Variants in ELAPOR1 observed in about 807,000 individuals in gnomAD.
ELAPOR1 encodes endosome-lysosome associated apoptosis and autophagy regulator 1.
A neutral mutation model predicts 119.7 loss-of-function variants in ELAPOR1; 77 were observed. That is an observed-to-expected ratio of 0.64 (90% CI 0.54 to 0.78). The LOEUF is 0.78. ELAPOR1 is among the 30% of genes least tolerant of loss of function. ELAPOR1 has a pLI of 0.00. For missense variants in ELAPOR1, 1,115 were observed against 1,270.4 expected, an observed-to-expected ratio of 0.88 and a Z score of 1.86; for synonymous variants, 481 against 487.2, an observed-to-expected ratio of 0.99 and a Z score of 0.17.
In ELAPOR1 at chr1:109,189,052, T is replaced by C; in HGVS notation, c.1220-14T>C. ...TTCCCACTGAATGCATGGATCTTGT[T>C]TGTGGTTCCCCAGACTGTACCCGCT... On this transcript the variant is annotated splice_polypyrimidine_tract_variant and intron_variant, in intron 9 of 21. Transcript: ENST00000369939. The C allele has an allele frequency of 6.2e-7, 1 of 1,612,710 alleles. No homozygotes were observed.
chr1:109,171,274 GCA>G (rs1651906001), intron 3 of ELAPOR1, among the ~76,000 whole-genome samples: 1 of 152,128 alleles, frequency 6.6e-6, no homozygotes, highest in Non-Finnish European at 1.5e-5. Context: ...CTGACTAGGC[GCA>G]GTGGCTCATG....
At chr1:109,176,012 A>G (rs142051240) in intron 7 of ELAPOR1, among the ~76,000 whole-genome samples, 47 of 152,278 alleles carry the variant, frequency 3.1e-4, no homozygotes, top group African/African-American at 1.1e-3. Flanking sequence ...TCTTTTATCA[A>G]CCTGAGAGCA....
intron 1 of ELAPOR1, among the ~76,000 whole-genome samples, chr1:109,158,324 T>TC (rs1651016228): frequency 6.6e-6 from 1 of 151,758 alleles, no homozygotes; most frequent in Non-Finnish European, 1.5e-5. Flanking sequence ...TTTTTTTTTT[T>TC]TTGGTCATTT....
rs71069661 is a variant in ELAPOR1 at position 109,203,879 on chromosome 1, C to CAAAA, written c.*885_*888dup. ...TGGGTGACAGAGTGAGACTCTGCCT[C>CAAAA]AAAAAAAAAAAAAAAAAAAAAGAAA... is the stretch of plus-strand genomic sequence containing the variant. On this transcript the variant is annotated 3_prime_UTR_variant, in exon 22 of 22. Coordinates refer to ENST00000369939, the MANE Select transcript of ELAPOR1 (RefSeq NM_020775.5). The CAAAA allele has an allele frequency of 1.9e-5, 2 of 105,122 alleles. No individual in the cohort carries two copies. The highest frequency in any genetic ancestry group is 7.5e-5 in the African/African-American group (2 of 26,694). The allele number at this position is 105,122 out of a possible 1,614,324, so 6.5% of individuals were successfully genotyped here. A position where few individuals can be genotyped will look rare whatever the true frequency, so the allele number is the denominator to read the frequency against.
chr1:109,180,736 AG>A (rs762078904), intron 7 of ELAPOR1, among the ~76,000 whole-genome samples: 49 of 152,174 alleles, frequency 3.2e-4, no homozygotes, highest in Non-Finnish European at 5.3e-4. Context: ...AGGCCGAGGC[AG>A]GAGGAGTGCT....
chr1:109,172,128 T>C (rs2297758), intron 4 of ELAPOR1, 115 bp downstream of exon 4: 532,229 of 1,333,026 alleles, frequency 0.4, 110,590 homozygotes, highest in African/African-American at 0.65. Context: ...TGTTGTTTTC[T>C]CTCTGGAGAG....
Position 109,199,739 on chromosome 1 carries a change from A to G in ELAPOR1, c.2502-115A>G, listed in dbSNP as rs1654044973. 8 of 1,224,482 alleles carry G rather than the reference A, an allele frequency of 6.5e-6. No individual in the cohort carries two copies. In the South Asian group the frequency reaches 8.3e-5, roughly 13 times the overall value. 75.9% of individuals were successfully genotyped at this position (1,224,482 alleles called of 1,614,324 possible). On this transcript the variant is annotated intron_variant, in intron 18 of 21. Coordinates refer to ENST00000369939, the MANE Select transcript of ELAPOR1 (RefSeq NM_020775.5). ...AGTTGGAAGGATCCTGGTAGGGCTA[A>G]TGGTTTGGGCAGGGAGAGGGTAAAT...
intron 1 of ELAPOR1, among the ~76,000 whole-genome samples, chr1:109,139,689 A>T (rs1178295053): frequency 6.6e-6 from 1 of 152,250 alleles, no homozygotes; most frequent in East Asian, 1.9e-4. Context: ...ATCACTTTTT[A>T]AAATTCTTGA....
intron 7 of ELAPOR1, among the ~76,000 whole-genome samples, chr1:109,180,324 G>T (rs1021966128): frequency 6.6e-6 from 1 of 152,090 alleles, no homozygotes; most frequent in Admixed American, 6.6e-5. Context: ...TTACTTATCT[G>T]TGCCTCCGTT....
At chr1:109,139,227 G>A (rs1649677542) in intron 1 of ELAPOR1, among the ~76,000 whole-genome samples, 1 of 152,094 alleles carries the variant, frequency 6.6e-6, no homozygotes, top group African/African-American at 2.4e-5. Flanking sequence ...GGCAACGCCT[G>A]TAGTCCCAGC....
Position 109,191,436 on chromosome 1 carries a change from C to G in ELAPOR1, c.1510C>G (p.Leu504Val). The G allele has an allele frequency of 1.2e-6, 2 of 1,614,110 alleles. No homozygotes were observed. Among genetic ancestry groups the G allele is most frequent in the South Asian group, 2.2e-5 (2 of 91,074 alleles). Residue 504 changes from leucine to valine, a missense_variant, in exon 12 of 22, where the codon CTC (leucine) becomes GTC (valine). Transcript: ENST00000369939. The part of the protein sequence containing the change: ...VARITFVFET[L>V]CSVNCELYFM... ...CAGAATCACATTTGTCTTTGAGACC[C>G]TCTGTTCTGTGAACTGTGAGCTCTA...
At chr1:109,181,277 G>A (rs1351747822) in intron 7 of ELAPOR1, among the ~76,000 whole-genome samples, 3 of 152,096 alleles carry the variant, frequency 2.0e-5, no homozygotes, top group African/African-American at 4.8e-5. Context: ...GAAAGGAGGA[G>A]GCAGGTGCAG....
Position 109,188,308 on chromosome 1 carries a change from C to T in ELAPOR1, c.1173C>T (p.Asn391=). The T allele has an allele frequency of 1.9e-6, 3 of 1,614,186 alleles. No individual in the cohort carries two copies. The highest frequency in any genetic ancestry group is 1.6e-4 in the Middle Eastern group (1 of 6,062). Residue 391 remains asparagine (N), a synonymous_variant, in exon 9 of 22, where the codon AAC becomes AAT. Coordinates refer to ENST00000369939, the MANE Select transcript of ELAPOR1 (RefSeq NM_020775.5). ...ACCCAGGCTTCTTCAAAACCAACAA[C>T]AGCACCTGCCAGCCCTGCCCATATG... ...PCNPGFFKTN[N]STCQPCPYGS...
Position 109,179,008 on chromosome 1 carries a change from A to G in ELAPOR1, c.952+5171A>G, listed in dbSNP as rs566376807. 3.4e-4 allele frequency among the ~76,000 whole-genome samples: 51 copies of G among 151,646 alleles called. 1 individual carries two copies. The highest frequency in any genetic ancestry group is 3.4e-3 in the Admixed American group (51 of 15,218). Reference sequence around the variant, plus strand: ...GTGGAGGCAAAAAAGGAAAATGGTTAGTCCCCTCTAGAAAAGAAGGAAAAG... The same window carrying G: ...GTGGAGGCAAAAAAGGAAAATGGTTGGTCCCCTCTAGAAAAGAAGGAAAAG... On this transcript the variant is annotated intron_variant, in intron 7 of 21. Coordinates refer to ENST00000369939, the MANE Select transcript of ELAPOR1 (RefSeq NM_020775.5).
rs1404702225 is a variant in ELAPOR1 at position 109,198,634 on chromosome 1, A to C, written c.2461A>C (p.Ser821Arg). ...GRSTTIRVRC[S>R]PQKTVPGSLL... ...ATCAACCACCATCCGCGTCAGGTGC[A>C]GTCCACAGAAAACTGTCCCTGGAAG... Residue 821 changes from serine to arginine, a missense_variant, in exon 18 of 22, where the codon AGT becomes CGT. By Grantham distance (110) the Ser-to-Arg change is moderately radical (BLOSUM62 -1). Transcript: ENST00000369939. The C allele has an allele frequency of 6.2e-7, 1 of 1,614,012 alleles. No homozygotes were observed. Among genetic ancestry groups the C allele is most frequent in the South Asian group, 1.1e-5 (1 of 90,942 alleles).
intron 15 of ELAPOR1, among the ~76,000 whole-genome samples, chr1:109,194,846 G>A (rs1428161913): frequency 1.3e-5 from 2 of 152,220 alleles, no homozygotes; most frequent in African/African-American, 4.8e-5. Flanking sequence ...GGTGGCTCAC[G>A]CCTGTAATCC....
intron 9 of ELAPOR1, 74 bp downstream of exon 9, chr1:109,188,428 C>A: frequency 6.8e-7 from 1 of 1,474,752 alleles, no homozygotes; most frequent in Non-Finnish European, 9.3e-7. Flanking sequence ...TAACAGTGGC[C>A]AGCTGAATGC....
chr1:109,139,771 A>T (rs1418106234), intron 1 of ELAPOR1, among the ~76,000 whole-genome samples: 2 of 151,722 alleles, frequency 1.3e-5, no homozygotes, highest in Non-Finnish European at 2.9e-5. Context: ...TATTTATAGC[A>T]TTTTTTTTCC....
In ELAPOR1 at chr1:109,198,058, C is replaced by A. The variant is rs149678762; in HGVS notation, c.2382C>A (p.Asp794Glu). Residue 794 changes from aspartate to glutamate, a missense_variant, in exon 17 of 22, where the codon GAC becomes GAA. Asp to Glu is a conservative substitution (Grantham distance 45, BLOSUM62 2). Transcript: ENST00000369939. ...LFHLESLGIP[D>E]VIFFYRSNDV... Reference sequence around the variant, plus strand: ...ACCTGGAGTCCTTGGGAATACCGGACGTGATCTTCTTTTATAGGTGAAGAT... The same window carrying A: ...ACCTGGAGTCCTTGGGAATACCGGAAGTGATCTTCTTTTATAGGTGAAGAT... 2.5e-6 allele frequency: 4 copies of A among 1,613,460 alleles called. No homozygotes were observed. Among genetic ancestry groups the A allele is most frequent in the Non-Finnish European group, 3.4e-6 (4 of 1,179,392 alleles).
Sources: allele counts gnomAD v4.1 joint callset (sites outside exome capture counted in the v4.1 genomes callset), GRCh38; gene constraint gnomAD v4.1.1; transcripts MANE v1.5; gene names NCBI Gene and HGNC (gene_info 2026-07-23, HGNC 2026-07-21).